FRMD4A: variants seen among roughly 807,000 people sequenced by gnomAD.
FRMD4A encodes the protein FERM domain containing 4A.
A neutral mutation model predicts 129.1 loss-of-function variants in FRMD4A; 29 were observed. The observed-to-expected ratio is 0.22, with a 90% CI of 0.17 to 0.31. The LOEUF (loss-of-function observed/expected upper bound fraction) is 0.31. FRMD4A is among the 10% of genes least tolerant of loss of function. The pLI, the probability that FRMD4A is intolerant of heterozygous loss-of-function variation, is 1.00. For missense variants in FRMD4A, 1,272 were observed against 1,375.8 expected, an observed-to-expected ratio of 0.92 and a Z score of 1.19; for synonymous variants, 634 against 571.6, an observed-to-expected ratio of 1.11 and a Z score of -1.56.
chr10:13,693,841 C>A, intron 15 of FRMD4A, 57 bp downstream of exon 15: 3 of 1,576,428 alleles, frequency 1.9e-6, no homozygotes, highest in Non-Finnish European at 2.6e-6. Context: ...CTTCCTGGGT[C>A]CCCTCTGGGG....
chr10:13,860,542 G>C (rs186361960), intron 2 of FRMD4A, among the ~76,000 whole-genome samples: 64 of 152,202 alleles, frequency 4.2e-4, no homozygotes, highest in African/African-American at 1.5e-3. Context: ...TTATATGACT[G>C]TATAGTCCCC....
At chr10:13,892,560 A>C (rs929371702) in intron 2 of FRMD4A, among the ~76,000 whole-genome samples, 1 of 152,116 alleles carries the variant, frequency 6.6e-6, no homozygotes, top group Non-Finnish European at 1.5e-5. Flanking sequence ...TTGCTTGAGG[A>C]GCTCAATTTG....
In FRMD4A at chr10:14,330,030, G is replaced by A. The variant is rs748909817; in HGVS notation, c.45+28C>T. On this transcript the variant is annotated intron_variant, in intron 2 of 24. Coordinates refer to ENST00000357447, the MANE Select transcript of FRMD4A (RefSeq NM_018027.5). ...GGGGAGGCTGGAGTGGACGCTGCCCGGGCCCCACCTCCTGTCTGAACACTC... is the reference window on the plus strand; with the variant it reads ...GGGGAGGCTGGAGTGGACGCTGCCCAGGCCCCACCTCCTGTCTGAACACTC... 1.9e-5 allele frequency: 30 copies of A among 1,550,954 alleles called. No individual in the cohort carries two copies. In the East Asian group the frequency reaches 2.0e-4, roughly 10 times the overall value.
intron 2 of FRMD4A, among the ~76,000 whole-genome samples, chr10:13,898,858 G>A (rs1032889595): frequency 2.0e-5 from 3 of 152,140 alleles, no homozygotes; most frequent in African/African-American, 2.4e-5. Context: ...CCTTGAATAA[G>A]CCTCTTATTG....
At chr10:14,259,629 A>G (rs1261407103) in intron 2 of FRMD4A, among the ~76,000 whole-genome samples, 1 of 152,224 alleles carries the variant, frequency 6.6e-6, no homozygotes, top group African/African-American at 2.4e-5. Flanking sequence ...TACTTTTTAA[A>G]CATCAACCAC....
chr10:13,666,477 C>G, intron 17 of FRMD4A, 152 bp from the exon 18 acceptor site: 1 of 620,396 alleles, frequency 1.6e-6, no homozygotes, highest in South Asian at 2.0e-5. Flanking sequence ...CTGAAGTCCC[C>G]AGGCACACCC....
At chr10:13,939,715 G>A (rs965103334) in intron 2 of FRMD4A, among the ~76,000 whole-genome samples, 2 of 152,166 alleles carry the variant, frequency 1.3e-5, no homozygotes, top group Non-Finnish European at 2.9e-5. Flanking sequence ...AATCAGTACT[G>A]CACAGTGACC....
At chr10:14,086,766 A>T (rs2131743598) in intron 2 of FRMD4A, among the ~76,000 whole-genome samples, 1 of 152,286 alleles carries the variant, frequency 6.6e-6, no homozygotes, top group African/African-American at 2.4e-5. Context: ...GATCACCATA[A>T]CATAAACAGA....
chr10:14,030,476 T>G (rs907478284), intron 2 of FRMD4A, among the ~76,000 whole-genome samples: 1 of 152,226 alleles, frequency 6.6e-6, no homozygotes, highest in Non-Finnish European at 1.5e-5. Context: ...GCAACTGATA[T>G]TAATGTCCTA....
chr10:13,737,771 T>C, intron 12 of FRMD4A, 73 bp downstream of exon 12: 4 of 844,132 alleles, frequency 4.7e-6, no homozygotes, highest in Non-Finnish European at 8.1e-6. Flanking sequence ...CGTTAGCATT[T>C]TTAAAGTGAC....
intron 4 of FRMD4A, among the ~76,000 whole-genome samples, chr10:13,802,552 A>G (rs142766346): frequency 2.6e-5 from 4 of 152,270 alleles, no homozygotes; most frequent in African/African-American, 9.6e-5. Context: ...GCTGGGCTCA[A>G]GCGATCCTTC....
intron 15 of FRMD4A, among the ~76,000 whole-genome samples, chr10:13,688,438 A>C (rs1407504579): frequency 1.3e-5 from 2 of 152,160 alleles, no homozygotes; most frequent in South Asian, 4.2e-4. Context: ...AGATATACCT[A>C]ATGCTAAATG....
At chr10:14,166,493 T>C (rs2131878117) in intron 2 of FRMD4A, among the ~76,000 whole-genome samples, 1 of 152,304 alleles carries the variant, frequency 6.6e-6, no homozygotes, top group South Asian at 2.1e-4. Flanking sequence ...TGGAAAATAA[T>C]CATTTGCTTT....
At chr10:13,734,694 C>T (rs1272351027) in intron 12 of FRMD4A, among the ~76,000 whole-genome samples, 1 of 152,168 alleles carries the variant, frequency 6.6e-6, no homozygotes, top group Admixed American at 6.5e-5. Context: ...TCATCCCCGA[C>T]CCTCACACAG....
intron 2 of FRMD4A, among the ~76,000 whole-genome samples, chr10:14,178,569 A>G (rs1171377254): frequency 6.6e-6 from 1 of 152,166 alleles, no homozygotes; most frequent in Non-Finnish European, 1.5e-5. Context: ...GAAGAGAGAG[A>G]GGGTGGTGGG....
At chr10:13,776,698 A>G (rs2092603589) in intron 6 of FRMD4A, among the ~76,000 whole-genome samples, 1 of 152,234 alleles carries the variant, frequency 6.6e-6, no homozygotes, top group Non-Finnish European at 1.5e-5. Context: ...GGCTTATTTT[A>G]CCTTGACAAC....
intron 12 of FRMD4A, among the ~76,000 whole-genome samples, chr10:13,731,985 A>G (rs998508531): frequency 6.6e-6 from 1 of 152,136 alleles, no homozygotes; most frequent in African/African-American, 2.4e-5. Context: ...CCCTGCAGGC[A>G]ATGAAGCTGT....
chr10:13,684,482 G>A lies in FRMD4A; in HGVS notation c.1117+9416C>T, dbSNP rs1564604994. ...AGACTCCAGCCGGGGACAGCTGGGTGTGGAGGAGCGGATGTGGAGGCAACG... is the reference window on the plus strand; with the variant it reads ...AGACTCCAGCCGGGGACAGCTGGGTATGGAGGAGCGGATGTGGAGGCAACG... On this transcript the variant is annotated intron_variant, in intron 15 of 24. Coordinates refer to ENST00000357447, the MANE Select transcript of FRMD4A (RefSeq NM_018027.5). The A allele has an allele frequency of 9.1e-6, 9 of 985,394 alleles. No homozygotes were observed. In the South Asian group the frequency reaches 4.2e-4, roughly 46 times the overall value. The allele number at this position is 985,394 out of a possible 1,614,324, so 61.0% of individuals were successfully genotyped here.
chr10:14,123,379 T>G (rs1172185606), intron 2 of FRMD4A, among the ~76,000 whole-genome samples: 1 of 152,126 alleles, frequency 6.6e-6, no homozygotes, highest in Non-Finnish European at 1.5e-5. Context: ...CTGGATGAAG[T>G]TTTCAGCAAC....
Sources: gnomAD v4.1 joint callset for allele counts (sites outside exome capture counted in the v4.1 genomes callset) on GRCh38, gnomAD v4.1.1 for gene constraint, MANE v1.5 for transcripts, NCBI Gene and HGNC (gene_info 2026-07-23, HGNC 2026-07-21) for gene names.